KHDRBS2: variants seen among roughly 807,000 people sequenced by gnomAD.
KHDRBS2 encodes KH RNA binding domain containing, signal transduction associated 2, also known as KH domain-containing, RNA-binding, signal transduction-associated protein 2.
Under a neutral mutation model 44.3 loss-of-function variants are expected in KHDRBS2, and 26 were observed. That is an observed-to-expected ratio of 0.59 (90% CI 0.43 to 0.81). The LOEUF is 0.81. Among genes scored for constraint, KHDRBS2 ranks in the 40% least tolerant of loss-of-function variants. The pLI, the probability that KHDRBS2 is intolerant of heterozygous loss-of-function variation, is 0.00. For missense variants in KHDRBS2, 476 were observed against 433.1 expected (o/e 1.10, Z -0.88); for synonymous variants, 194 against 151.1 (o/e 1.28, Z -2.08).
At chr6:62,209,802 C>T (rs758327389) in intron 1 of KHDRBS2, among the ~76,000 whole-genome samples, 19 of 152,160 alleles carry the variant, frequency 1.2e-4, no homozygotes, top group South Asian at 2.1e-4. Flanking sequence ...TTCTCCTGTG[C>T]ATGATGCTTC....
intron 2 of KHDRBS2, among the ~76,000 whole-genome samples, chr6:62,051,890 T>C (rs897722635): frequency 1.1e-4 from 16 of 151,948 alleles, no homozygotes; most frequent in African/African-American, 3.9e-4. Context: ...CTCAACATCA[T>C]TAATCATCAA....
chr6:61,570,844 A>G, the KHDRBS2 span, among the ~76,000 whole-genome samples: 50,758 of 151,936 alleles, frequency 0.33, 9,470 homozygotes, highest in East Asian at 0.49. Context: ...AAGGAGAGAT[A>G]AAGCCTTTTT....
At chr6:62,258,881 C>T (rs1428173165) in intron 1 of KHDRBS2, among the ~76,000 whole-genome samples, 2 of 152,008 alleles carry the variant, frequency 1.3e-5, no homozygotes, top group Admixed American at 1.3e-4. Context: ...AGGGTGACCT[C>T]TCAGGCATGA....
intron 2 of KHDRBS2, among the ~76,000 whole-genome samples, chr6:62,166,249 C>T (rs2150115523): frequency 6.6e-6 from 1 of 152,008 alleles, no homozygotes; most frequent in Middle Eastern, 3.4e-3. Flanking sequence ...CTGTTTTTAT[C>T]TTTCGGCTAT....
At position 62,105,504 on chromosome 6, in the gene KHDRBS2, G is replaced by A. The variant is rs1302259188; in HGVS notation, c.220-57510C>T. On this transcript the variant is annotated intron_variant, in intron 2 of 8. Transcript: ENST00000281156. ...TTCAACTTCTTCCTGGTTTAGTCTT[G>A]GGAGGGTGTATGTGTCGAGGAATTT... 5.3e-5 allele frequency among the ~76,000 whole-genome samples: 8 copies of A among 152,130 alleles called. No individual in the cohort carries two copies. In the South Asian group the frequency reaches 1.0e-3, roughly 20 times the overall value.
At chr6:62,206,243 C>T (rs1346570671) in intron 1 of KHDRBS2, among the ~76,000 whole-genome samples, 3 of 152,052 alleles carry the variant, frequency 2.0e-5, no homozygotes, top group Admixed American at 6.6e-5. Context: ...TTGAGCAAGT[C>T]TACTGAGGTT....
chr6:61,700,311 C>G (rs1768446096), intron 7 of KHDRBS2, among the ~76,000 whole-genome samples: 1 of 150,514 alleles, frequency 6.6e-6, no homozygotes, highest in African/African-American at 2.5e-5. Flanking sequence ...AGAAAAAGAA[C>G]AGTAGTGGGA....
At chr6:61,795,915 A>G (rs1342884437) in intron 6 of KHDRBS2, among the ~76,000 whole-genome samples, 1 of 151,782 alleles carries the variant, frequency 6.6e-6, no homozygotes, top group Non-Finnish European at 1.5e-5. Flanking sequence ...AGGGTGTTTT[A>G]AAAAAAAGTG....
chr6:62,063,454 G>A (rs1562763463), intron 2 of KHDRBS2, among the ~76,000 whole-genome samples: 1 of 150,916 alleles, frequency 6.6e-6, no homozygotes, highest in Non-Finnish European at 1.5e-5. Flanking sequence ...CTTCATCCCT[G>A]GGATGCAAGG....
At chr6:62,114,823 C>G (rs1348597862) in intron 2 of KHDRBS2, among the ~76,000 whole-genome samples, 2 of 146,078 alleles carry the variant, frequency 1.4e-5, no homozygotes, top group Non-Finnish European at 1.5e-5. Context: ...AATAAACAAA[C>G]AAAGCCATAC....
chr6:62,096,523 T>C (rs76709475), intron 2 of KHDRBS2, among the ~76,000 whole-genome samples: 12,213 of 151,950 alleles, frequency 0.08, 532 homozygotes, highest in African/African-American at 0.11. Flanking sequence ...TTGTTCACAA[T>C]AGTCTCTAGT....
intron 6 of KHDRBS2, among the ~76,000 whole-genome samples, chr6:61,824,025 A>G (rs1694396762): frequency 2.0e-5 from 3 of 152,246 alleles, no homozygotes; most frequent in Admixed American, 2.0e-4. Flanking sequence ...TTTTCCCAAA[A>G]GAAAATTTTT....
chr6:61,859,525 A>C (rs551581970), intron 6 of KHDRBS2, among the ~76,000 whole-genome samples: 1 of 151,996 alleles, frequency 6.6e-6, no homozygotes, highest in South Asian at 2.1e-4. Flanking sequence ...TCATAATACT[A>C]ATTGATCCAA....
chr6:61,812,792 A>C (rs750246752), intron 6 of KHDRBS2, among the ~76,000 whole-genome samples: 2 of 152,060 alleles, frequency 1.3e-5, no homozygotes, highest in Non-Finnish European at 2.9e-5. Context: ...TTGATAATAA[A>C]CCATAGTCTG....
intron 4 of KHDRBS2, among the ~76,000 whole-genome samples, chr6:61,934,189 A>G (rs1418461424): frequency 6.6e-6 from 1 of 151,446 alleles, no homozygotes; most frequent in Non-Finnish European, 1.5e-5. Flanking sequence ...TTTCTTATAT[A>G]TTTTGGATAT....
Position 62,137,982 on chromosome 6 carries a change from G to A in KHDRBS2, c.219+39203C>T, listed in dbSNP as rs140036494. On this transcript the variant is annotated intron_variant, in intron 2 of 8. Coordinates refer to ENST00000281156, the MANE Select transcript of KHDRBS2 (RefSeq NM_152688.4). ...TGTCTTTCCATGTTTACTGTTCTGC[G>A]TGGTTGTTTTGCTGTAAAGTTCACT... 3.5e-3 allele frequency among the ~76,000 whole-genome samples: 533 copies of A among 152,170 alleles called. 5 individuals carry two copies. The highest frequency in any genetic ancestry group is 0.012 in the African/African-American group (498 of 41,498).
chr6:61,927,206 C>T (rs1366888504), intron 4 of KHDRBS2, among the ~76,000 whole-genome samples: 1 of 151,744 alleles, frequency 6.6e-6, no homozygotes, highest in Non-Finnish European at 1.5e-5. Context: ...TTTTAAGGTC[C>T]TTAGGAGAAT....
intron 6 of KHDRBS2, among the ~76,000 whole-genome samples, chr6:61,764,946 TC>T (rs1779781994): frequency 1.6e-5 from 2 of 123,156 alleles, no homozygotes; most frequent in East Asian, 2.7e-4. Flanking sequence ...TTAAAAAAAA[TC>T]AAAAACTTAA....
chr6:61,886,200 TAA>T (rs1800928754), intron 6 of KHDRBS2, among the ~76,000 whole-genome samples: 1 of 152,198 alleles, frequency 6.6e-6, no homozygotes, highest in African/African-American at 2.4e-5. Flanking sequence ...CATTTTATTA[TAA>T]GTGAAGTTAC....
Sources: gnomAD v4.1 joint callset for allele counts (sites outside exome capture counted in the v4.1 genomes callset) on GRCh38, gnomAD v4.1.1 for gene constraint, MANE v1.5 for transcripts, NCBI Gene and HGNC (gene_info 2026-07-23, HGNC 2026-07-21) for gene names.